LINGO2: variants seen among roughly 807,000 people sequenced by gnomAD.
LINGO2 encodes leucine rich repeat and Ig domain containing 2.
In LINGO2, 14 loss-of-function variants were observed where a neutral mutation model predicts 30.6. That is an observed-to-expected ratio of 0.46 (90% CI 0.30 to 0.72). LINGO2 has a LOEUF of 0.72. Ranked by LOEUF, LINGO2 falls within the 30% of genes least tolerant of loss-of-function variation. The pLI, the probability that LINGO2 is intolerant of heterozygous loss-of-function variation, is 0.07. For synonymous variants in LINGO2, 317 were observed against 288.5 expected, an observed-to-expected ratio of 1.10 and a Z score of -1.00; for missense variants, 729 against 751.7, an observed-to-expected ratio of 0.97 and a Z score of 0.35.
chr9:29,090,897 A>T, the LINGO2 span, among the ~76,000 whole-genome samples: 1 of 152,018 alleles, frequency 6.6e-6, no homozygotes, highest in Non-Finnish European at 1.5e-5. Context: ...TATCCCTCTG[A>T]TGCTTACTTT....
At chr9:28,351,204 T>A (rs201091248) in intron 3 of LINGO2, among the ~76,000 whole-genome samples, 51,563 of 147,760 alleles carry the variant, frequency 0.35, 10,381 homozygotes, top group Non-Finnish European at 0.45. Context: ...AATTAATGAA[T>A]CCAGGAGCTG....
At chr9:28,811,869 CT>C in the LINGO2 span, among the ~76,000 whole-genome samples, 2 of 151,958 alleles carry the variant, frequency 1.3e-5, no homozygotes, top group African/African-American at 4.8e-5. Flanking sequence ...TATGTCTTTA[CT>C]TGAAAATAAA....
the LINGO2 span, among the ~76,000 whole-genome samples, chr9:28,869,870 C>T: frequency 0.084 from 12,820 of 151,920 alleles, 601 homozygotes; most frequent in Middle Eastern, 0.12. Flanking sequence ...CCTATGGGCT[C>T]GTTTTACACC....
the LINGO2 span, among the ~76,000 whole-genome samples, chr9:28,773,935 A>G: frequency 2.6e-5 from 4 of 152,138 alleles, no homozygotes; most frequent in African/African-American, 9.7e-5. Flanking sequence ...TTATAAAATA[A>G]TATAACTGAG....
At chr9:28,031,743 G>A (rs10968291) in intron 4 of LINGO2, among the ~76,000 whole-genome samples, 4,463 of 152,292 alleles carry the variant, frequency 0.029, 108 homozygotes, top group East Asian at 0.091. Flanking sequence ...GGAGACCTCT[G>A]CCAGCTCCCT....
At chr9:28,727,640 T>G in the LINGO2 span, among the ~76,000 whole-genome samples, 1 of 152,102 alleles carries the variant, frequency 6.6e-6, no homozygotes, top group African/African-American at 2.4e-5. Context: ...CGTCTTTAGA[T>G]AGATAAAACA....
At chr9:28,993,478 T>A in the LINGO2 span, among the ~76,000 whole-genome samples, 1 of 152,032 alleles carries the variant, frequency 6.6e-6, no homozygotes, top group Non-Finnish European at 1.5e-5. Flanking sequence ...ACTATTCCAA[T>A]CAATAGAAAA....
At chr9:27,946,355 G>T (rs781232611), downstream of LINGO2, among the ~76,000 whole-genome samples, 20 of 152,094 alleles carry the variant, frequency 1.3e-4, no homozygotes, top group Non-Finnish European at 2.9e-4. Context: ...CAGAGTATGG[G>T]ACCGCTGAGA....
the LINGO2 span, among the ~76,000 whole-genome samples, chr9:29,053,573 T>G: frequency 6.6e-6 from 1 of 152,050 alleles, no homozygotes; most frequent in African/African-American, 2.4e-5. Flanking sequence ...ATAATAAAAT[T>G]AAAAGAAAAA....
At chr9:27,974,093 G>A (rs1308683784) in intron 5 of LINGO2, among the ~76,000 whole-genome samples, 1 of 152,106 alleles carries the variant, frequency 6.6e-6, no homozygotes, top group African/African-American at 2.4e-5. Context: ...CCACAATCAA[G>A]CTGTTATTGA....
At chr9:28,538,600 T>A (rs1253327570) in intron 1 of LINGO2, among the ~76,000 whole-genome samples, 2 of 152,172 alleles carry the variant, frequency 1.3e-5, no homozygotes, top group African/African-American at 4.8e-5. Flanking sequence ...CAACATAAAT[T>A]TATTTCTCAC....
At chr9:28,747,165 G>A in the LINGO2 span, among the ~76,000 whole-genome samples, 2 of 151,928 alleles carry the variant, frequency 1.3e-5, no homozygotes, top group East Asian at 1.9e-4. Context: ...CAGAAGGAGA[G>A]GAGGAGATGA....
chr9:28,298,461 A>T (rs1015116634), intron 3 of LINGO2, among the ~76,000 whole-genome samples: 3 of 151,158 alleles, frequency 2.0e-5, no homozygotes, highest in Non-Finnish European at 4.4e-5. Context: ...CAAGAGATCG[A>T]AACCATCCTG....
chr9:28,326,859 A>T (rs1040174235), intron 3 of LINGO2, among the ~76,000 whole-genome samples: 1 of 152,122 alleles, frequency 6.6e-6, no homozygotes, highest in African/African-American at 2.4e-5. Context: ...TTACATGGTC[A>T]CCCCTGGACA....
intron 2 of LINGO2, among the ~76,000 whole-genome samples, chr9:28,440,569 T>C (rs189336241): frequency 6.6e-6 from 1 of 152,266 alleles, no homozygotes; most frequent in Non-Finnish European, 1.5e-5. Flanking sequence ...AGTGTAGTCA[T>C]GTCTTTTAGA....
At chr9:28,664,510 T>G (rs1460232141) in intron 1 of LINGO2, among the ~76,000 whole-genome samples, 1 of 152,082 alleles carries the variant, frequency 6.6e-6, no homozygotes, top group Non-Finnish European at 1.5e-5. Flanking sequence ...AAGACCTTGG[T>G]CAATTTAACA....
intron 1 of LINGO2, among the ~76,000 whole-genome samples, chr9:28,651,281 A>G (rs1430973344): frequency 6.6e-6 from 1 of 152,108 alleles, no homozygotes; most frequent in Non-Finnish European, 1.5e-5. Context: ...TCACCTGTGG[A>G]CACAACTTAT....
chr9:28,431,452 T>C (rs1427267332), intron 2 of LINGO2, among the ~76,000 whole-genome samples: 3 of 152,232 alleles, frequency 2.0e-5, no homozygotes, highest in African/African-American at 7.2e-5. Context: ...CCTTAAATAA[T>C]TGGAAATGAT....
In LINGO2 at chr9:28,080,985, T is replaced by G. The variant is rs542321499; in HGVS notation, c.-86-68580A>C. The G allele has an allele frequency of 3.9e-5, 6 of 152,356 alleles. No homozygotes were observed. In the South Asian group the frequency reaches 1.2e-3, roughly 32 times the overall value. 9.4% of individuals were successfully genotyped at this position (152,356 alleles called of 1,614,324 possible). A position where few individuals can be genotyped will look rare whatever the true frequency, so the allele number is the denominator to read the frequency against. ...TGTGGCAGGAGAAGGTAGCCTGGAA[T>G]AGAAGATAAGTTGCACTTTTATTAA... On this transcript the variant is annotated intron_variant, in intron 4 of 5. Coordinates refer to ENST00000379992, the Ensembl canonical transcript of LINGO2.
Sources: gnomAD v4.1 joint callset for allele counts (sites outside exome capture counted in the v4.1 genomes callset) on GRCh38, gnomAD v4.1.1 for gene constraint, MANE v1.5 for transcripts, NCBI Gene and HGNC (gene_info 2026-07-23, HGNC 2026-07-21) for gene names.